The following FGF1 variants were observed in gnomAD, a reference collection of about 807,000 sequenced individuals.
The protein encoded by FGF1 is fibroblast growth factor 1.
In FGF1, 9 loss-of-function variants were observed where a neutral mutation model predicts 13.4. That is an observed-to-expected ratio of 0.67 (90% CI 0.40 to 1.17). The LOEUF (loss-of-function observed/expected upper bound fraction) is 1.17, where lower values mean the gene tolerates loss of function less well. FGF1 is among the 50% of genes most tolerant of loss of function. FGF1 has a pLI of 0.01. For synonymous variants in FGF1, 93 were observed against 79.0 expected, an observed-to-expected ratio of 1.18 and a Z score of -0.94; for missense variants, 156 against 192.7, an observed-to-expected ratio of 0.81 and a Z score of 1.13.
chr5:142,679,218 C>T (rs571120621), intron 1 of FGF1, among the ~76,000 whole-genome samples: 80 of 152,326 alleles, frequency 5.3e-4, no homozygotes, highest in African/African-American at 1.8e-3. Flanking sequence ...TCCCTGCACT[C>T]AGCCACACTG....
intron 1 of FGF1, among the ~76,000 whole-genome samples, chr5:142,679,110 C>T (rs893264994): frequency 5.3e-5 from 8 of 152,172 alleles, no homozygotes; most frequent in Non-Finnish European, 1.2e-4. Context: ...TCACTTTCTC[C>T]CCTGGCTTTC....
Position 142,643,143 on chromosome 5 carries a change from G to A in FGF1, c.-34-28982C>T, listed in dbSNP as rs1052722438. 2.6e-5 allele frequency among the ~76,000 whole-genome samples: 4 copies of A among 152,216 alleles called. No individual in the cohort carries two copies. The East Asian group carries it at 7.7e-4, about 29-fold the overall frequency. ...TCATTTGAAGAAACCAGCTTGTACT[G>A]CCTATCAACAGATTTGCAAAATTGA... On this transcript the variant is annotated intron_variant, in intron 1 of 3. Coordinates refer to ENST00000337706, the MANE Select transcript of FGF1 (RefSeq NM_000800.5).
chr5:142,620,585 A>C (rs1761376277), intron 1 of FGF1, among the ~76,000 whole-genome samples: 1 of 152,254 alleles, frequency 6.6e-6, no homozygotes, highest in Admixed American at 6.5e-5. Flanking sequence ...ATAGCCTCAA[A>C]ATACATAAAA....
At chr5:142,650,032 C>G (rs1218202483) in intron 1 of FGF1, among the ~76,000 whole-genome samples, 1 of 152,174 alleles carries the variant, frequency 6.6e-6, no homozygotes. Context: ...CCCACCTCAG[C>G]TCTAGTGAAT....
At chr5:142,630,921 C>A (rs1303891427) in intron 1 of FGF1, among the ~76,000 whole-genome samples, 1 of 152,212 alleles carries the variant, frequency 6.6e-6, no homozygotes, top group African/African-American at 2.4e-5. Flanking sequence ...TCCATCCATG[C>A]GTTTTCTTGT....
intron 3 of FGF1, among the ~76,000 whole-genome samples, chr5:142,599,962 TA>T (rs1391652777): frequency 2.6e-5 from 4 of 152,212 alleles, no homozygotes; most frequent in African/African-American, 9.6e-5. Context: ...CCTTTCAGAA[TA>T]AAAGGGGCTA....
chr5:142,619,547 A>G (rs1761047782), intron 1 of FGF1, among the ~76,000 whole-genome samples: 1 of 152,232 alleles, frequency 6.6e-6, no homozygotes, highest in African/African-American at 2.4e-5. Flanking sequence ...TACTAAAAGA[A>G]AAGAAATAGA....
At chr5:142,600,672 C>T (rs779530843) in intron 3 of FGF1, 30 bp downstream of exon 3, 9 of 1,495,538 alleles carry the variant, frequency 6.0e-6, no homozygotes, top group East Asian at 4.5e-5. Context: ...ACCTTGGCCA[C>T]GTCTGGAAGC....
chr5:142,651,604 G>A lies in FGF1; in HGVS notation c.-35+34353C>T, dbSNP rs541135713. On this transcript the variant is annotated intron_variant, in intron 1 of 3. Coordinates refer to ENST00000337706, the MANE Select transcript of FGF1 (RefSeq NM_000800.5). ...ATATCTACCATTATCGTTTCCTACA[G>A]TGTAGTTTCACTGTCTTAAAAATCC... is the stretch of plus-strand genomic sequence containing the variant. 2.0e-5 allele frequency among the ~76,000 whole-genome samples: 3 copies of A among 152,246 alleles called. No individual in the cohort carries two copies. In the South Asian group the frequency reaches 6.2e-4, roughly 32 times the overall value.
At chr5:142,646,180 A>G (rs6891916) in intron 1 of FGF1, among the ~76,000 whole-genome samples, 3,034 of 128,808 alleles carry the variant, frequency 0.024, 116 homozygotes, top group African/African-American at 0.083. Flanking sequence ...AAGTGCTGGG[A>G]TTACAGGCGT....
chr5:142,688,667 C>A (rs1751651764), upstream of FGF1, among the ~76,000 whole-genome samples: 1 of 152,192 alleles, frequency 6.6e-6, no homozygotes, highest in Non-Finnish European at 1.5e-5. Flanking sequence ...GCAGAGGGGT[C>A]CCTGGAGAAA....
chr5:142,667,585 C>CAAAAAAAAAA (rs747487970), intron 1 of FGF1, among the ~76,000 whole-genome samples: 1 of 62,084 alleles, frequency 1.6e-5, no homozygotes, highest in African/African-American at 5.0e-5. Flanking sequence ...GACTCCGTCT[C>CAAAAAAAAAA]AAAAAAAAAA....
chr5:142,630,575 A>T (rs1456121020), intron 1 of FGF1, among the ~76,000 whole-genome samples: 1 of 152,086 alleles, frequency 6.6e-6, no homozygotes, highest in Non-Finnish European at 1.5e-5. Context: ...GGCCTATGAG[A>T]CCCTGTATGG....
At chr5:142,595,938 G>GGTTGTTGTT (rs1755155804) in intron 3 of FGF1, among the ~76,000 whole-genome samples, 1 of 152,088 alleles carries the variant, frequency 6.6e-6, no homozygotes, top group Admixed American at 6.6e-5. Flanking sequence ...TGATGTAGTG[G>GGTTGTTGTT]GTTGTTGTTG....
rs75218681 is a variant in FGF1, at chr5:142,654,542, G to A, written c.-35+31415C>T. 6.6e-3 allele frequency among the ~76,000 whole-genome samples: 1,010 copies of A among 152,338 alleles called. 7 individuals carry two copies. The highest frequency in any genetic ancestry group is 0.022 in the African/African-American group (915 of 41,566). ...AGGAAGAAAGGATGTCTGCCCCTTC[G>A]AGGTTCATCTGAAGTTTTAGCAAAA... On this transcript the variant is annotated intron_variant, in intron 1 of 3. Transcript: ENST00000337706.
chr5:142,627,932 T>G (rs1216479235), intron 1 of FGF1, among the ~76,000 whole-genome samples: 1 of 152,200 alleles, frequency 6.6e-6, no homozygotes, highest in African/African-American at 2.4e-5. Flanking sequence ...GTTTGCTCCC[T>G]GTTTCAGCAC....
chr5:142,628,954 T>G (rs1762893887), intron 1 of FGF1, among the ~76,000 whole-genome samples: 1 of 152,112 alleles, frequency 6.6e-6, no homozygotes, highest in East Asian at 1.9e-4. Context: ...TGGGCTCTTA[T>G]GAAGTTTGAT....
chr5:142,625,012 T>C (rs1762221652), intron 1 of FGF1, among the ~76,000 whole-genome samples: 1 of 152,230 alleles, frequency 6.6e-6, no homozygotes, highest in African/African-American at 2.4e-5. Flanking sequence ...ATATACAACA[T>C]ATGCACCATA....
chr5:142,638,075 C>A (rs546924711), intron 1 of FGF1, among the ~76,000 whole-genome samples: 1 of 151,984 alleles, frequency 6.6e-6, no homozygotes, highest in Admixed American at 6.5e-5. Context: ...TGAACAAAGC[C>A]GGCAGAGCTT....
Sources: gnomAD v4.1 joint callset for allele counts (sites outside exome capture counted in the v4.1 genomes callset) on GRCh38, gnomAD v4.1.1 for gene constraint, MANE v1.5 for transcripts, NCBI Gene and HGNC (gene_info 2026-07-23, HGNC 2026-07-21) for gene names.